Variants in KLHL3 observed in about 807,000 individuals in gnomAD.
KLHL3 encodes kelch-like protein 3.
KLHL3 carries 19 observed loss-of-function variants against 70.5 expected under a neutral mutation model. The observed-to-expected ratio is 0.27, with a 90% CI of 0.19 to 0.40. The LOEUF (loss-of-function observed/expected upper bound fraction) is 0.40. KLHL3 is among the 10% of genes least tolerant of loss of function. KLHL3 has a pLI of 1.00. For synonymous variants in KLHL3, 258 were observed against 290.3 expected (o/e 0.89, Z 1.13); for missense variants, 512 against 771.1 (o/e 0.66, Z 3.98).
At chr5:137,733,039 A>G (rs1753205575) in intron 1 of KLHL3, among the ~76,000 whole-genome samples, 1 of 152,172 alleles carries the variant, frequency 6.6e-6, no homozygotes. Context: ...TTCATTAGCA[A>G]TCCCTTGGTT....
At chr5:137,648,685 A>G (rs1375312043) in intron 8 of KLHL3, among the ~76,000 whole-genome samples, 1 of 152,284 alleles carries the variant, frequency 6.6e-6, no homozygotes, top group East Asian at 1.9e-4. Context: ...AAACACCTTT[A>G]TTAGCCTCTG....
At chr5:137,682,991 G>A (rs2967795) in intron 5 of KLHL3, among the ~76,000 whole-genome samples, 85,826 of 151,882 alleles carry the variant, frequency 0.57, 24,811 homozygotes, top group East Asian at 0.93. Context: ...TTGACTTTGC[G>A]GGGATTGAGA....
intron 8 of KLHL3, 94 bp from the exon 9 acceptor site, chr5:137,640,071 G>A (rs1400489218): frequency 1.1e-5 from 11 of 1,039,812 alleles, no homozygotes; most frequent in African/African-American, 1.6e-5. Context: ...CCCAGGGTGT[G>A]TGGATGATCT....
rs41298966 is a variant in KLHL3, at chr5:137,698,217, T to C, written c.363+70A>G. ...CAACTGAATTGTTGTGAGGGTTAAA[T>C]AAAATAACGCTGTAAAATGGTGGGT... On this transcript the variant is annotated intron_variant, in intron 4 of 14. Transcript: ENST00000309755. The C allele has an allele frequency of 3.8e-6, 6 of 1,578,734 alleles. No homozygotes were observed. The African/African-American group carries it at 6.8e-5, about 18-fold the overall frequency.
At chr5:137,731,373 G>A (rs904629516) in intron 1 of KLHL3, among the ~76,000 whole-genome samples, 3 of 152,148 alleles carry the variant, frequency 2.0e-5, no homozygotes. Flanking sequence ...GTTGGGGGAG[G>A]ACTAAGTGAC....
chr5:137,707,645 C>G (rs185006220), intron 3 of KLHL3: 1 of 154,172 alleles, frequency 6.5e-6, no homozygotes, highest in Non-Finnish European at 1.5e-5. Flanking sequence ...TTTGGATGGA[C>G]GGGTGAATGG....
chr5:137,698,525 G>A lies in KLHL3; in HGVS notation c.242-117C>T. ...AAAAGCACTTCCTGGGCTCCAGGAG[G>A]CAGCAGAAGGGATTCAGGCACAGAA... On this transcript the variant is annotated intron_variant, in intron 3 of 14. Transcript: ENST00000309755. The A allele has an allele frequency of 2.6e-6, 3 of 1,155,958 alleles. No homozygotes were observed. In the South Asian group the frequency reaches 4.2e-5, roughly 16 times the overall value. The allele number at this position is 1,155,958 out of a possible 1,614,324, so 71.6% of individuals were successfully genotyped here. A position where few individuals can be genotyped will look rare whatever the true frequency, so the allele number is the denominator to read the frequency against.
At chr5:137,675,174 T>C (rs1449851655) in intron 6 of KLHL3, among the ~76,000 whole-genome samples, 4 of 152,216 alleles carry the variant, frequency 2.6e-5, no homozygotes, top group African/African-American at 9.6e-5. Context: ...TTCGTTAATG[T>C]GAAAAATACC....
chr5:137,627,433 C>T (rs1434116900), intron 13 of KLHL3, among the ~76,000 whole-genome samples: 3 of 146,140 alleles, frequency 2.1e-5, no homozygotes, highest in Admixed American at 7.2e-5. Flanking sequence ...CAAATGAGAA[C>T]TTGGCAGCAG....
intron 6 of KLHL3, among the ~76,000 whole-genome samples, chr5:137,666,356 C>T (rs1751614391): frequency 6.6e-6 from 1 of 152,154 alleles, no homozygotes; most frequent in Non-Finnish European, 1.5e-5. Context: ...GGTTGGTTAG[C>T]CACACCTCTT....
In KLHL3 at chr5:137,621,387, T is replaced by C. The variant is rs1750290010; in HGVS notation, c.*711A>G. 1 of 152,528 alleles carries C rather than the reference T, an allele frequency of 6.6e-6. No individual in the cohort carries two copies. Among genetic ancestry groups the C allele is most frequent in the African/African-American group, 2.4e-5 (1 of 41,462 alleles). 9.4% of individuals were successfully genotyped at this position (152,528 alleles called of 1,614,324 possible). On this transcript the variant is annotated 3_prime_UTR_variant, in exon 15 of 15. Transcript: ENST00000309755. ...TGAAGACTGGGCAGTTCTCATCTGC[T>C]TCCTGTAGGAGAACTCAAGGAAAAA...
At chr5:137,634,564 C>A (rs1750721908) in intron 11 of KLHL3, among the ~76,000 whole-genome samples, 1 of 152,218 alleles carries the variant, frequency 6.6e-6, no homozygotes, top group Admixed American at 6.5e-5. Flanking sequence ...GGCAGACCAT[C>A]TTTCTGGCTA....
intron 1 of KLHL3, among the ~76,000 whole-genome samples, chr5:137,730,258 G>A (rs1682066589): frequency 6.6e-6 from 1 of 152,160 alleles, no homozygotes; most frequent in South Asian, 2.1e-4. Context: ...TCGGGATAAT[G>A]TCCATAGCCC....
intron 10 of KLHL3, among the ~76,000 whole-genome samples, chr5:137,637,707 G>A (rs1051459972): frequency 6.6e-6 from 1 of 152,238 alleles, no homozygotes; most frequent in Non-Finnish European, 1.5e-5. Context: ...GTAGTCACCT[G>A]AGGTAGCCTC....
chr5:137,628,712 T>G, intron 12 of KLHL3: 1 of 198,848 alleles, frequency 5.0e-6, no homozygotes, highest in Non-Finnish European at 9.4e-6. Flanking sequence ...TATATATATA[T>G]ACACACACAC....
At chr5:137,730,817 A>G (rs1023054402) in intron 1 of KLHL3, among the ~76,000 whole-genome samples, 1 of 152,180 alleles carries the variant, frequency 6.6e-6, no homozygotes, top group Non-Finnish European at 1.5e-5. Flanking sequence ...GCTATGATAT[A>G]CTTTCATAAG....
At chr5:137,623,175 GA>G (rs1750365087) in intron 14 of KLHL3, among the ~76,000 whole-genome samples, 1 of 152,190 alleles carries the variant, frequency 6.6e-6, no homozygotes. Flanking sequence ...CCTTATTTAG[GA>G]AAGTATCTGT....
rs2074345 is a variant in KLHL3, at chr5:137,625,724, G to A, written c.1735+29C>T. The A allele has an allele frequency of 0.097, 156,763 of 1,612,612 alleles. 11,779 individuals are homozygous for A. Among genetic ancestry groups the A allele is most frequent in the East Asian group, 0.4 (17,876 of 44,826 alleles). Reference sequence around the variant, plus strand: ...TCCCCCAGTGTGTTGGAGGCCTCTCGGATGGGCATGGAGATGGCACACACT... The same window carrying A: ...TCCCCCAGTGTGTTGGAGGCCTCTCAGATGGGCATGGAGATGGCACACACT... On this transcript the variant is annotated intron_variant, in intron 14 of 14. Coordinates refer to ENST00000309755, the MANE Select transcript of KLHL3 (RefSeq NM_017415.3).
At chr5:137,684,656 G>A (rs1386730185) in intron 5 of KLHL3, among the ~76,000 whole-genome samples, 3 of 152,124 alleles carry the variant, frequency 2.0e-5, no homozygotes, top group Non-Finnish European at 4.4e-5. Context: ...GTGTATGGCT[G>A]TCCAATTACC....
Sources: gnomAD v4.1 joint callset for allele counts (sites outside exome capture counted in the v4.1 genomes callset) on GRCh38, gnomAD v4.1.1 for gene constraint, MANE v1.5 for transcripts, NCBI Gene and HGNC (gene_info 2026-07-23, HGNC 2026-07-21) for gene names.